PLBD1: variants seen among roughly 807,000 people sequenced by gnomAD.
The protein encoded by PLBD1 is lysosomal leucine aminopeptidase.
A neutral mutation model predicts 63.0 loss-of-function variants in PLBD1; 60 were observed. The ratio of observed to expected loss-of-function variants is 0.95; its 90% CI spans 0.77 to 1.18. PLBD1 has a LOEUF of 1.18. PLBD1 is among the 50% of genes most tolerant of loss of function. PLBD1 has a pLI of 0.00. For synonymous variants in PLBD1, 262 were observed against 248.0 expected, an observed-to-expected ratio of 1.06 and a Z score of -0.53; for missense variants, 598 against 677.9, an observed-to-expected ratio of 0.88 and a Z score of 1.31.
At position 14,562,367 on chromosome 12, in the gene PLBD1, G is replaced by A. The variant is rs1277336095; in HGVS notation, c.115+5215C>T. On this transcript the variant is annotated intron_variant, in intron 1 of 10. Coordinates refer to ENST00000240617, the MANE Select transcript of PLBD1 (RefSeq NM_024829.6). The stretch of plus-strand genomic sequence containing the variant: ...CCCAGCTACCTGGGAGGCTGAGGTA[G>A]GAGGATCGCTGGAACCCAGGAGGTG... Among the ~76,000 whole-genome samples the A allele has an allele frequency of 2.0e-5, 3 of 151,590 alleles. No homozygotes were observed. In the East Asian group the frequency reaches 5.8e-4, roughly 29 times the overall value.
chr12:14,519,614 A>G (rs2136910350), intron 6 of PLBD1, among the ~76,000 whole-genome samples: 1 of 148,014 alleles, frequency 6.8e-6, no homozygotes, highest in South Asian at 2.2e-4. Flanking sequence ...GTGAGACATC[A>G]TCTTAAAAAA....
At chr12:14,551,136 G>C (rs1049223557) in intron 2 of PLBD1, among the ~76,000 whole-genome samples, 2 of 152,076 alleles carry the variant, frequency 1.3e-5, no homozygotes, top group East Asian at 3.9e-4. Context: ...AGGACAAGGT[G>C]GGAGGATCAC....
intron 5 of PLBD1, among the ~76,000 whole-genome samples, chr12:14,536,341 G>A (rs565444333): frequency 2.2e-4 from 34 of 152,226 alleles, no homozygotes; most frequent in African/African-American, 8.2e-4. Context: ...GAAGGTGGGA[G>A]TGGCAGGTGC....
chr12:14,560,369 T>G (rs1945736045), intron 1 of PLBD1, among the ~76,000 whole-genome samples: 1 of 151,698 alleles, frequency 6.6e-6, no homozygotes, highest in African/African-American at 2.4e-5. Context: ...TATTCAGAAG[T>G]CAGAGGGGAA....
At chr12:14,523,485 A>G (rs182658596) in intron 6 of PLBD1, among the ~76,000 whole-genome samples, 2 of 152,304 alleles carry the variant, frequency 1.3e-5, no homozygotes, top group Admixed American at 6.5e-5. Context: ...AAATCTTTAA[A>G]TGTGTATGGA....
chr12:14,515,178 T>G (rs769356384), intron 6 of PLBD1, among the ~76,000 whole-genome samples: 1 of 151,998 alleles, frequency 6.6e-6, no homozygotes, highest in Non-Finnish European at 1.5e-5. Flanking sequence ...ATTATGAAGA[T>G]TGACTCATGG....
chr12:14,543,467 C>G (rs777431268), intron 2 of PLBD1, among the ~76,000 whole-genome samples: 1 of 151,980 alleles, frequency 6.6e-6, no homozygotes, highest in Non-Finnish European at 1.5e-5. Flanking sequence ...ACTTGTAATC[C>G]CAGCATTTTG....
intron 2 of PLBD1, among the ~76,000 whole-genome samples, chr12:14,543,783 T>A (rs962240189): frequency 6.6e-6 from 1 of 152,222 alleles, no homozygotes; most frequent in Admixed American, 6.5e-5. Flanking sequence ...GTATTAATTT[T>A]TTGTTTCTTG....
chr12:14,554,257 C>A (rs1289084553), intron 1 of PLBD1: 1 of 152,372 alleles, frequency 6.6e-6, no homozygotes, highest in African/African-American at 2.4e-5. Context: ...ATTCTTTGAC[C>A]CATGCTCTGG....
chr12:14,538,746 C>A (rs1412619086), intron 4 of PLBD1, among the ~76,000 whole-genome samples: 1 of 152,166 alleles, frequency 6.6e-6, no homozygotes, highest in Non-Finnish European at 1.5e-5. Context: ...ACTCTTCTGG[C>A]CGGGCACAGT....
In PLBD1 at chr12:14,542,223, A is replaced by C; in HGVS notation, c.404T>G (p.Val135Gly). 1 of 1,606,012 alleles carries C rather than the reference A, an allele frequency of 6.2e-7. No individual in the cohort carries two copies. The highest frequency in any genetic ancestry group is 8.5e-7 in the Non-Finnish European group (1 of 1,172,656). Reference sequence around the variant, plus strand: ...TTATACGTACTCCATAAAATCCTGCACTTTATCCATGATGGAAGGTTTCGT... The same window carrying C: ...TTATACGTACTCCATAAAATCCTGCCCTTTATCCATGATGGAAGGTTTCGT... ...LITKPSIMDK[V>G]QDFMEKQDKW... is the part of the protein sequence containing the mutation. Residue 135 changes from valine (V) to glycine (G), a missense_variant, in exon 3 of 11, where the codon GTG becomes GGG. By Grantham distance (109) the Val-to-Gly change is moderately radical (BLOSUM62 -3). Transcript: ENST00000240617.
intron 1 of PLBD1, among the ~76,000 whole-genome samples, chr12:14,559,614 TTAGAG>T (rs143030254): frequency 1.8e-4 from 27 of 152,332 alleles, no homozygotes; most frequent in African/African-American, 6.0e-4. Flanking sequence ...GGTATTTTCT[TTAGAG>T]TTGTGAAAAG....
rs542962518 is a variant in PLBD1 at position 14,542,256 on chromosome 12, T to A, written c.371A>T (p.Gln124Leu). 57 of 1,611,388 alleles carry A rather than the reference T, an allele frequency of 3.5e-5. No individual in the cohort carries two copies. The South Asian group carries it at 5.4e-4, about 15-fold the overall frequency. Reference protein sequence around the residue: ...MNDHYTNLYPQLITKPSIMDK... With the variant: ...MNDHYTNLYPLLITKPSIMDK... Reference sequence around the variant, plus strand: ...CATGATGGAAGGTTTCGTGATCAGCTGTGGGTAGAGGTTTGTGTAGTGGTC... The same window carrying A: ...CATGATGGAAGGTTTCGTGATCAGCAGTGGGTAGAGGTTTGTGTAGTGGTC... Residue 124 changes from glutamine to leucine, a missense_variant, in exon 3 of 11, where the codon CAG becomes CTG. Coordinates refer to ENST00000240617, the MANE Select transcript of PLBD1 (RefSeq NM_024829.6).
intron 2 of PLBD1, among the ~76,000 whole-genome samples, chr12:14,551,121 T>C (rs930844462): frequency 3.3e-5 from 5 of 151,924 alleles, no homozygotes; most frequent in Non-Finnish European, 7.4e-5. Context: ...TCCCAGCACT[T>C]TGGGAGGACA....
intron 1 of PLBD1, among the ~76,000 whole-genome samples, chr12:14,562,660 T>A (rs929776698): frequency 1.3e-5 from 2 of 152,186 alleles, no homozygotes; most frequent in African/African-American, 4.8e-5. Flanking sequence ...ATTTTCAAGC[T>A]GGATGTTCGA....
chr12:14,549,366 A>G (rs1263698018), intron 2 of PLBD1, among the ~76,000 whole-genome samples: 1 of 152,228 alleles, frequency 6.6e-6, no homozygotes, highest in Non-Finnish European at 1.5e-5. Context: ...AGAAGACAGC[A>G]TTTGAGATGG....
In PLBD1 at chr12:14,566,904, G is replaced by A. The variant is rs1190482276; in HGVS notation, c.115+678C>T. ...CGAGTCAGGCGTTCGAGACCAGCCT[G>A]TCCAACATGGTGAAACCTCGTCTCT... On this transcript the variant is annotated intron_variant, in intron 1 of 10. Coordinates refer to ENST00000240617, the MANE Select transcript of PLBD1 (RefSeq NM_024829.6). Among the ~76,000 whole-genome samples the A allele has an allele frequency of 2.6e-5, 4 of 152,102 alleles. No individual in the cohort carries two copies. The East Asian group carries it at 5.8e-4, about 22-fold the overall frequency.
intron 2 of PLBD1, among the ~76,000 whole-genome samples, chr12:14,544,153 A>G (rs1945597738): frequency 6.6e-6 from 1 of 152,166 alleles, no homozygotes; most frequent in Admixed American, 6.6e-5. Context: ...ATAGCAATTT[A>G]AAAGGCTGTG....
Position 14,509,189 on chromosome 12 carries a change from C to T in PLBD1, c.1186+2071G>A, listed in dbSNP as rs138018185. 2.7e-3 allele frequency among the ~76,000 whole-genome samples: 413 copies of T among 152,068 alleles called. 1 individual carries two copies. The highest frequency in any genetic ancestry group is 9.6e-3 in the African/African-American group (396 of 41,446). ...AAGAGTGTCTAGAATGCAGTAGGTA[C>T]TCTGAATTTAACTCTCTGTTCTTCT... On this transcript the variant is annotated intron_variant, in intron 8 of 10. Transcript: ENST00000240617.
Sources: gnomAD v4.1 joint callset for allele counts (sites outside exome capture counted in the v4.1 genomes callset) on GRCh38, gnomAD v4.1.1 for gene constraint, MANE v1.5 for transcripts, NCBI Gene and HGNC (gene_info 2026-07-23, HGNC 2026-07-21) for gene names.